The following RGPD2 variants were observed in gnomAD, a reference collection of about 807,000 sequenced individuals.
RGPD2 encodes RANBP2-like and GRIP domain-containing protein 2.
A neutral mutation model predicts 36.0 loss-of-function variants in RGPD2; 2 were observed. That is an observed-to-expected ratio of 0.06 (90% CI 0.02 to 0.17). The LOEUF (loss-of-function observed/expected upper bound fraction) is 0.17. Among genes scored for constraint, RGPD2 ranks in the 10% least tolerant of loss-of-function variants. The pLI is 1.00. For missense variants in RGPD2, 40 were observed against 464.3 expected, an observed-to-expected ratio of 0.09 and a Z score of 8.40; for synonymous variants, 19 against 163.8, an observed-to-expected ratio of 0.12 and a Z score of 6.75.
chr2:87,919,911 C>G, the RGPD2 span, among the ~76,000 whole-genome samples: 21 of 152,004 alleles, frequency 1.4e-4, no homozygotes, highest in African/African-American at 4.8e-4. Flanking sequence ...CATCTAACTT[C>G]TATATTATCG....
At chr2:87,923,605 A>G in the RGPD2 span, among the ~76,000 whole-genome samples, 1 of 150,818 alleles carries the variant, frequency 6.6e-6, no homozygotes, top group Non-Finnish European at 1.5e-5. Flanking sequence ...CCCACTTCAT[A>G]GGTATAACAA....
chr2:87,923,449 A>G, the RGPD2 span, among the ~76,000 whole-genome samples: 1 of 152,256 alleles, frequency 6.6e-6, no homozygotes, highest in Non-Finnish European at 1.5e-5. Context: ...ATATTTTTAT[A>G]CTGTGATAGT....
the RGPD2 span, among the ~76,000 whole-genome samples, chr2:87,855,122 A>G: frequency 4.5e-3 from 677 of 151,880 alleles, 3 homozygotes; most frequent in African/African-American, 0.014. Flanking sequence ...TATAAATTAC[A>G]TCCTCAGAAC....
the RGPD2 span, among the ~76,000 whole-genome samples, chr2:87,887,281 C>G: frequency 6.6e-6 from 1 of 151,562 alleles, no homozygotes; most frequent in Non-Finnish European, 1.5e-5. Context: ...TCTTATTGAT[C>G]GAAACCGCAG....
the RGPD2 span, among the ~76,000 whole-genome samples, chr2:87,836,253 AGAAG>A: frequency 4.7e-5 from 7 of 150,510 alleles, no homozygotes; most frequent in South Asian, 2.1e-4. Context: ...AGAGAAAGAA[AGAAG>A]GAAGGAAGGA....
the RGPD2 span, among the ~76,000 whole-genome samples, chr2:87,845,980 G>A: frequency 1.4e-3 from 216 of 150,452 alleles, no homozygotes; most frequent in Non-Finnish European, 2.6e-3. Context: ...ATTTATGTTC[G>A]AGTTCTCTTC....
the RGPD2 span, among the ~76,000 whole-genome samples, chr2:87,897,632 T>A: frequency 1.3e-5 from 2 of 150,272 alleles, no homozygotes; most frequent in Non-Finnish European, 3.0e-5. Context: ...CCCCCAACAG[T>A]CTCCCCCAAC....
At chr2:87,978,868 C>T in the RGPD2 span, among the ~76,000 whole-genome samples, 93 of 146,428 alleles carry the variant, frequency 6.4e-4, no homozygotes, top group African/African-American at 2.1e-3. Context: ...CAGCCAACTA[C>T]GATAGCATCA....
chr2:87,944,510 A>G, the RGPD2 span, among the ~76,000 whole-genome samples: 1 of 89,584 alleles, frequency 1.1e-5, no homozygotes, highest in Non-Finnish European at 1.9e-5. Flanking sequence ...AATATCCATA[A>G]TTACCCAAAA....
chr2:87,961,314 G>A, the RGPD2 span, among the ~76,000 whole-genome samples: 1 of 152,158 alleles, frequency 6.6e-6, no homozygotes, highest in African/African-American at 2.4e-5. Context: ...CCACTGTGAC[G>A]CACTTGTGTA....
chr2:87,799,191 A>AC (rs1456645286), intron 8 of RGPD2, among the ~76,000 whole-genome samples: 19 of 147,846 alleles, frequency 1.3e-4, no homozygotes, highest in South Asian at 6.5e-4. Flanking sequence ...AAACGGTGAA[A>AC]CCCCGTCTCT....
the RGPD2 span, among the ~76,000 whole-genome samples, chr2:87,883,215 A>T: frequency 6.6e-6 from 1 of 151,788 alleles, no homozygotes; most frequent in Non-Finnish European, 1.5e-5. Flanking sequence ...TTTTCTCTGC[A>T]ATCAAAATTC....
the RGPD2 span, among the ~76,000 whole-genome samples, chr2:87,870,715 G>A: frequency 4.0e-5 from 6 of 151,852 alleles, no homozygotes; most frequent in East Asian, 3.9e-4. Flanking sequence ...ACTTTTATGC[G>A]TGCCCATATG....
the RGPD2 span, among the ~76,000 whole-genome samples, chr2:87,831,839 CAAT>C: frequency 5.3e-5 from 8 of 151,354 alleles, no homozygotes; most frequent in African/African-American, 1.2e-4. Context: ...AAGCTGAAAT[CAAT>C]GATGATACCA....
the RGPD2 span, among the ~76,000 whole-genome samples, chr2:87,935,233 A>G: frequency 6.1e-5 from 9 of 148,086 alleles, no homozygotes; most frequent in African/African-American, 2.2e-4. Flanking sequence ...ATGTGTCAAT[A>G]GAGGATCCTG....
At chr2:87,881,343 T>C in the RGPD2 span, among the ~76,000 whole-genome samples, 1 of 152,276 alleles carries the variant, frequency 6.6e-6, no homozygotes, top group African/African-American at 2.4e-5. Flanking sequence ...TGTGGTGCCT[T>C]CAACCCCACA....
chr2:87,798,372 T>G (rs1274686797), intron 8 of RGPD2, among the ~76,000 whole-genome samples, 198 bp from the exon 9 acceptor site: 1 of 1,254 alleles, frequency 8.0e-4, no homozygotes, highest in African/African-American at 2.1e-3. Flanking sequence ...ATTCTCAGTA[T>G]CTACATAAGA....
chr2:87,944,636 C>A, the RGPD2 span, among the ~76,000 whole-genome samples: 1 of 124,406 alleles, frequency 8.0e-6, no homozygotes, highest in African/African-American at 3.8e-5. Flanking sequence ...ATTCAGATGG[C>A]ATTTTTTTTT....
At chr2:87,918,081 T>C in the RGPD2 span, among the ~76,000 whole-genome samples, 1 of 119,444 alleles carries the variant, frequency 8.4e-6, no homozygotes, top group Non-Finnish European at 1.7e-5. Flanking sequence ...ACACCCACAC[T>C]TCATTTGCAT....
Sources: gnomAD v4.1 joint callset for allele counts (sites outside exome capture counted in the v4.1 genomes callset) on GRCh38, gnomAD v4.1.1 for gene constraint, MANE v1.5 for transcripts, NCBI Gene and HGNC (gene_info 2026-07-23, HGNC 2026-07-21) for gene names.